Variants in LRPPRC observed in about 807,000 individuals in gnomAD.
The protein encoded by LRPPRC is leucine-rich PPR motif-containing protein, mitochondrial.
A neutral mutation model predicts 180.3 loss-of-function variants in LRPPRC; 120 were observed. That is an observed-to-expected ratio of 0.67 (90% CI 0.57 to 0.77). The LOEUF (loss-of-function observed/expected upper bound fraction) is 0.77. LRPPRC is among the 30% of genes least tolerant of loss of function. LRPPRC has a pLI of 0.00. For synonymous variants in LRPPRC, 723 were observed against 600.0 expected (o/e 1.21, Z -3.00); for missense variants, 2,012 against 1,657.2 (o/e 1.21, Z -3.72).
intron 5 of LRPPRC, 74 bp downstream of exon 5, chr2:43,976,919 AC>A: frequency 8.1e-6 from 10 of 1,237,960 alleles, no homozygotes; most frequent in Non-Finnish European, 1.2e-5. Context: ...AAGCTTTAAA[AC>A]AAAGAGTGAA....
At chr2:43,909,543 C>T (rs1671182914) in intron 30 of LRPPRC, among the ~76,000 whole-genome samples, 2 of 151,774 alleles carry the variant, frequency 1.3e-5, no homozygotes, top group African/African-American at 4.8e-5. Flanking sequence ...GCTAACAATA[C>T]TGTATTTATA....
rs1327380191 is a variant in LRPPRC at position 43,886,504 on chromosome 2, GAATC to G, written c.*2092_*2095del. 6.6e-6 allele frequency: 1 copy of G among 152,098 alleles called. No individual in the cohort carries two copies. Among genetic ancestry groups the G allele is most frequent in the Non-Finnish European group, 1.5e-5 (1 of 68,032 alleles). The allele number at this position is 152,098 out of a possible 1,614,324, so 9.4% of individuals were successfully genotyped here. ...CTTTAAATATTTATATTCAATAGGGGAATCAATACAATACAAAAGATATTTGAAC... is the reference window on the plus strand; with the variant it reads ...CTTTAAATATTTATATTCAATAGGGGAATACAATACAAAAGATATTTGAAC... On this transcript the variant is annotated 3_prime_UTR_variant, in exon 38 of 38. Coordinates refer to ENST00000260665, the MANE Select transcript of LRPPRC (RefSeq NM_133259.4).
chr2:43,901,308 G>A lies in LRPPRC; in HGVS notation c.3569+12C>T, dbSNP rs773414778. The A allele has an allele frequency of 6.2e-7, 1 of 1,607,592 alleles. No individual in the cohort carries two copies. Among genetic ancestry groups the A allele is most frequent in the Admixed American group, 1.7e-5 (1 of 60,016 alleles). ...TGACCAATGAAGGAAAAGAAGGCTTGCAAATACTCACTTCTTTATTTGAGC... is the reference window on the plus strand; with the variant it reads ...TGACCAATGAAGGAAAAGAAGGCTTACAAATACTCACTTCTTTATTTGAGC... On this transcript the variant is annotated intron_variant, in intron 32 of 37. Coordinates refer to ENST00000260665, the MANE Select transcript of LRPPRC (RefSeq NM_133259.4).
At position 43,923,301 on chromosome 2, in the gene LRPPRC, G is replaced by C. The variant is rs188391949; in HGVS notation, c.2896+1766C>G. Among the ~76,000 whole-genome samples, 150 of 151,824 alleles carry C rather than the reference G, an allele frequency of 9.9e-4. 1 individual carries two copies. Among genetic ancestry groups the C allele is most frequent in the African/African-American group, 3.5e-3 (146 of 41,392 alleles). ...CAAGACCATCCTGGGCAACATAGTG[G>C]GACCCCGTCTCCACAAAAAGTTAAA... is the stretch of plus-strand genomic sequence containing the variant. On this transcript the variant is annotated intron_variant, in intron 27 of 37. Coordinates refer to ENST00000260665, the MANE Select transcript of LRPPRC (RefSeq NM_133259.4).
At position 43,979,919 on chromosome 2, in the gene LRPPRC, G is replaced by A. The variant is rs1674228762; in HGVS notation, c.376C>T (p.Leu126=). The part of the protein sequence containing the change: ...GGLGGSHALL[L]LRSCGSLLPE... ...AAGAGAGAACCACAACTACGTAGTA[G>A]AAGCAAGGCATGACTACCACCTAGG... Residue 126 remains leucine, a synonymous_variant, in exon 3 of 38, where the codon CTA becomes TTA. Transcript: ENST00000260665. 1 of 1,613,876 alleles carries A rather than the reference G, an allele frequency of 6.2e-7. No homozygotes were observed.
intron 30 of LRPPRC, among the ~76,000 whole-genome samples, chr2:43,908,154 C>T (rs747514197): frequency 4.6e-5 from 7 of 152,140 alleles, no homozygotes; most frequent in Non-Finnish European, 7.4e-5. Flanking sequence ...AAATCAAGTG[C>T]TACTCTCAAA....
chr2:43,896,541 G>T, intron 35 of LRPPRC, 93 bp downstream of exon 35: 1 of 835,204 alleles, frequency 1.2e-6, no homozygotes, highest in Non-Finnish European at 2.1e-6. Context: ...TCTCAAATAA[G>T]GTCCTGAAAC....
chr2:43,986,597 G>A (rs1032400638), intron 1 of LRPPRC, among the ~76,000 whole-genome samples: 30 of 152,116 alleles, frequency 2.0e-4, no homozygotes, highest in African/African-American at 7.0e-4. Context: ...ATTTGTGCTG[G>A]GTATGAGAAA....
At chr2:43,899,112 A>C in intron 34 of LRPPRC, 107 bp downstream of exon 34, 1 of 769,602 alleles carries the variant, frequency 1.3e-6, no homozygotes, top group East Asian at 2.6e-5. Context: ...CTAGCTGCAC[A>C]CCACACTGAA....
intron 29 of LRPPRC, among the ~76,000 whole-genome samples, chr2:43,912,970 AAAG>A (rs1159184716): frequency 6.6e-6 from 1 of 152,186 alleles, no homozygotes; most frequent in Admixed American, 6.5e-5. Context: ...GAGGGGAGCA[AAAG>A]ATTCATTTTA....
At chr2:43,939,356 T>A (rs1177538383) in intron 23 of LRPPRC, among the ~76,000 whole-genome samples, 2 of 152,052 alleles carry the variant, frequency 1.3e-5, no homozygotes, top group African/African-American at 4.8e-5. Flanking sequence ...TGATTTTTTT[T>A]ATTTGGAATA....
At position 43,977,316 on chromosome 2, in the gene LRPPRC, G is replaced by C. The variant is rs764499141; in HGVS notation, c.470-40C>G. ...TAAAATGAATTTTTAGAAAAGCATT[G>C]AAAATCCTATGCTTTAAAGTGGACC... On this transcript the variant is annotated intron_variant, in intron 3 of 37. Coordinates refer to ENST00000260665, the MANE Select transcript of LRPPRC (RefSeq NM_133259.4). 3.9e-6 allele frequency: 6 copies of C among 1,540,920 alleles called. No individual in the cohort carries two copies. In the South Asian group the frequency reaches 5.6e-5, roughly 14 times the overall value.
chr2:43,947,817 C>A (rs771739658), intron 18 of LRPPRC, 42 bp from the exon 19 acceptor site: 1 of 1,260,118 alleles, frequency 7.9e-7, no homozygotes, highest in East Asian at 2.3e-5. Context: ...AGAAAACACA[C>A]GTAAAAATAC....
chr2:43,889,785 G>A lies in LRPPRC; in HGVS notation c.4077C>T (p.Tyr1359=), dbSNP rs148828179. 85 of 1,611,464 alleles carry A rather than the reference G, an allele frequency of 5.3e-5. No individual in the cohort carries two copies. Among genetic ancestry groups the A allele is most frequent in the Middle Eastern group, 1.6e-4 (1 of 6,076 alleles). Residue 1359 remains tyrosine, a synonymous_variant, in exon 37 of 38, where the codon TAC becomes TAT. Coordinates refer to ENST00000260665, the MANE Select transcript of LRPPRC (RefSeq NM_133259.4). ...CTCCAGCATACTTCAGCAAAGATGC[G>A]TAACGCTTTAGAAACAGATCATCCA... ...TKLDDLFLKR[Y]ASLLKYAGEP... is the part of the protein sequence containing the mutation.
chr2:43,908,827 G>T (rs929738908), intron 30 of LRPPRC, among the ~76,000 whole-genome samples: 1 of 152,164 alleles, frequency 6.6e-6, no homozygotes, highest in African/African-American at 2.4e-5. Context: ...GAGCCACCAT[G>T]CTCGGCCAAA....
intron 11 of LRPPRC, among the ~76,000 whole-genome samples, chr2:43,970,819 G>A (rs963940228): frequency 1.9e-4 from 29 of 152,176 alleles, no homozygotes; most frequent in African/African-American, 6.0e-4. Flanking sequence ...AGTAAGTTCC[G>A]CCAAGAGTGG....
intron 3 of LRPPRC, among the ~76,000 whole-genome samples, chr2:43,977,838 A>G (rs1001358009): frequency 1.3e-5 from 2 of 152,132 alleles, no homozygotes; most frequent in Admixed American, 6.5e-5. Context: ...AAATAAGGTT[A>G]CCACACAGCC....
Position 43,948,455 on chromosome 2 carries a change from T to C in LRPPRC, c.1799A>G (p.Lys600Arg), listed in dbSNP as rs1484842817. 12 of 1,613,440 alleles carry C rather than the reference T, an allele frequency of 7.4e-6. No homozygotes were observed. The highest frequency in any genetic ancestry group is 4.5e-5 in the East Asian group (2 of 44,874). The change falls in exon 17 of 38, where the codon AAG (lysine) becomes AGG (arginine). Residue 600 changes from lysine to arginine, a missense_variant. Lys to Arg is a conservative substitution (Grantham distance 26). Coordinates refer to ENST00000260665, the MANE Select transcript of LRPPRC (RefSeq NM_133259.4). The stretch of plus-strand genomic sequence containing the variant: ...GAAGTATTGTCTCAAATGCTCCTCC[T>C]TGGCCTGTACCTCTGAGTCACTCAT... ...DSMSDSEVQAKEEHLRQYFHQ... is the reference protein window; with the variant it reads ...DSMSDSEVQAREEHLRQYFHQ...
At chr2:43,937,315 T>C (rs2105065265) in intron 23 of LRPPRC, among the ~76,000 whole-genome samples, 1 of 152,276 alleles carries the variant, frequency 6.6e-6, no homozygotes, top group East Asian at 1.9e-4. Flanking sequence ...TAGAAATTTA[T>C]AATGAAATAC....
Sources: gnomAD v4.1 joint callset for allele counts (sites outside exome capture counted in the v4.1 genomes callset) on GRCh38, gnomAD v4.1.1 for gene constraint, MANE v1.5 for transcripts, NCBI Gene and HGNC (gene_info 2026-07-23, HGNC 2026-07-21) for gene names.